MDM4: variants seen among roughly 807,000 people sequenced by gnomAD.
MDM4 encodes MDM4 regulator of p53.
MDM4 carries 2 observed loss-of-function variants against 60.2 expected under a neutral mutation model. That is an observed-to-expected ratio of 0.03 (90% CI 0.01 to 0.10). The LOEUF (loss-of-function observed/expected upper bound fraction) is 0.10, where lower values mean the gene tolerates loss of function less well. Among genes scored for constraint, MDM4 ranks in the 10% least tolerant of loss-of-function variants. The probability of loss-of-function intolerance (pLI) is 1.00; values close to 1 mark genes in which losing one functional copy is unlikely to be tolerated. For synonymous variants in MDM4, 202 were observed against 198.1 expected (o/e 1.02, Z -0.17); for missense variants, 447 against 577.5 (o/e 0.77, Z 2.32).
In MDM4 at chr1:204,551,979, TAA is replaced by T. The variant is rs35918019; in HGVS notation, c.*2316_*2317del. The T allele has an allele frequency of 0.031, 4,240 of 136,568 alleles. 3 individuals are homozygous for T. The highest frequency in any genetic ancestry group is 0.13 in the East Asian group (1,047 of 7,862). 8.5% of individuals were successfully genotyped at this position (136,568 alleles called of 1,614,324 possible). A position where few individuals can be genotyped will look rare whatever the true frequency, so the allele number is the denominator to read the frequency against. ...CTAACACTAACAATAGCTGATGAGC[TAA>T]AAAAAAAAAAAAAAAAAATCGTGGA... On this transcript the variant is annotated 3_prime_UTR_variant, in exon 11 of 11. Transcript: ENST00000367182.
chr1:204,520,869 CT>C (rs1659504569), intron 1 of MDM4, among the ~76,000 whole-genome samples: 2 of 152,010 alleles, frequency 1.3e-5, no homozygotes, highest in Admixed American at 6.6e-5. Flanking sequence ...GAACAATACC[CT>C]GTCTCAAAAA....
At chr1:204,523,934 A>G (rs551209532) in intron 1 of MDM4, among the ~76,000 whole-genome samples, 8 of 152,124 alleles carry the variant, frequency 5.3e-5, no homozygotes, top group African/African-American at 1.9e-4. Context: ...GCTAATACTG[A>G]TGGGCTATTT....
Position 204,533,195 on chromosome 1 carries a change from T to C in MDM4, c.343+949T>C, listed in dbSNP as rs550431482. On this transcript the variant is annotated intron_variant, in intron 5 of 10. Coordinates refer to ENST00000367182, the MANE Select transcript of MDM4 (RefSeq NM_002393.5). ...ATAGGAAACTGGCTGTACTGGAGTC[T>C]GGAGTCTCCAAAATGGTGGTCTGTA... 1.4e-4 allele frequency among the ~76,000 whole-genome samples: 22 copies of C among 152,342 alleles called. 1 individual carries two copies. Among genetic ancestry groups the C allele is most frequent in the Admixed American group, 1.4e-3 (21 of 15,298 alleles).
chr1:204,541,894 C>T (rs1446665244), intron 7 of MDM4, among the ~76,000 whole-genome samples: 6 of 152,032 alleles, frequency 3.9e-5, no homozygotes, highest in Non-Finnish European at 5.9e-5. Flanking sequence ...ACACGTTAAC[C>T]CCATGGTTGC....
chr1:204,532,612 C>A, intron 5 of MDM4: 1 of 636,288 alleles, frequency 1.6e-6, no homozygotes. Context: ...GTTTATGTAT[C>A]ATTTCCCCCA....
chr1:204,518,432 A>G (rs189470730), intron 1 of MDM4, among the ~76,000 whole-genome samples: 8 of 152,322 alleles, frequency 5.3e-5, no homozygotes, highest in African/African-American at 1.4e-4. Flanking sequence ...TAGAACACCT[A>G]CGTTCTGGAT....
rs1658970225 is a variant in MDM4 at position 204,516,412 on chromosome 1, C to G, written c.-133C>G. 6.6e-6 allele frequency: 1 copy of G among 152,254 alleles called. No individual in the cohort carries two copies. Among genetic ancestry groups the G allele is most frequent in the Non-Finnish European group, 1.5e-5 (1 of 68,092 alleles). The allele number at this position is 152,254 out of a possible 1,614,324, so 9.4% of individuals were successfully genotyped here. ...GGCCGGAAGTTGCGGCTTCATTACT[C>G]GCCATTTCAAAATGCTGCCGAGGCC... On this transcript the variant is annotated 5_prime_UTR_variant, in exon 1 of 11. Transcript: ENST00000367182.
chr1:204,532,951 A>T, intron 5 of MDM4: 1 of 990,882 alleles, frequency 1.0e-6, no homozygotes, highest in Non-Finnish European at 1.5e-6. Flanking sequence ...ACTTCTGTTT[A>T]ATCACATCAG....
At chr1:204,519,979 A>G (rs1444930666) in intron 1 of MDM4, among the ~76,000 whole-genome samples, 5 of 152,020 alleles carry the variant, frequency 3.3e-5, no homozygotes, top group African/African-American at 1.2e-4. Flanking sequence ...AAGAGATAAG[A>G]AAGAACTACC....
intron 8 of MDM4, 136 bp from the exon 9 acceptor site, chr1:204,544,399 A>G: frequency 4.0e-6 from 3 of 745,340 alleles, no homozygotes; most frequent in Non-Finnish European, 6.5e-6. Context: ...GAATGAATAC[A>G]TGTCCACTGA....
intron 9 of MDM4, 120 bp from the exon 10 acceptor site, chr1:204,546,677 T>C: frequency 1.5e-6 from 1 of 650,492 alleles, no homozygotes; most frequent in South Asian, 1.9e-5. Flanking sequence ...TCTCCTTAAG[T>C]GCTAGAGATG....
At position 204,534,883 on chromosome 1, in the gene MDM4, C is replaced by T. The variant is rs114678529; in HGVS notation, c.344-2547C>T. Among the ~76,000 whole-genome samples the T allele has an allele frequency of 5.7e-3, 866 of 152,148 alleles. 7 individuals are homozygous for T. The highest frequency in any genetic ancestry group is 0.02 in the African/African-American group (834 of 41,500). On this transcript the variant is annotated intron_variant, in intron 5 of 10. Transcript: ENST00000367182. ...ATAGAGTTTCTCTATACCCTTTATC[C>T]AGAGTCCCCAAATGGTAACATCTTA...
chr1:204,532,179 T>A lies in MDM4; in HGVS notation c.288-12T>A, dbSNP rs779101617. On this transcript the variant is annotated splice_polypyrimidine_tract_variant and intron_variant, in intron 4 of 10. Coordinates refer to ENST00000367182, the MANE Select transcript of MDM4 (RefSeq NM_002393.5). ...TTGGGGTTGTTAATTTTTTATCTTC[T>A]CTCTTTAACAGCCCTCTCTATGATA... The A allele has an allele frequency of 6.4e-7, 1 of 1,569,150 alleles. No homozygotes were observed. The highest frequency in any genetic ancestry group is 1.1e-5 in the South Asian group (1 of 89,440).
chr1:204,518,482 CT>C (rs1659220712), intron 1 of MDM4, among the ~76,000 whole-genome samples: 1 of 152,166 alleles, frequency 6.6e-6, no homozygotes, highest in African/African-American at 2.4e-5. Flanking sequence ...TCCCTAGTAA[CT>C]TGCAGTTAGT....
At position 204,538,297 on chromosome 1, in the gene MDM4, A is replaced by G. The variant is rs1244465537; in HGVS notation, c.500A>G (p.His167Arg). Residue 167 changes from histidine to arginine, a missense_variant, in exon 7 of 11, where the codon CAT becomes CGT. His to Arg is a conservative substitution (Grantham distance 29). Around this residue, in one of 8 missense-constraint regions of MDM4, gnomAD observed 184 missense variants for 179.3 expected, o/e 1.03. Transcript: ENST00000367182. Reference protein sequence around the residue: ...TLPTSEHKCIHSREDEDLIEN... With the variant: ...TLPTSEHKCIRSREDEDLIEN... ...CCTACCTCAGAGCATAAATGCATACATTCTAGAGAAGGTATGTTTTGGATT... is the reference window on the plus strand; with the variant it reads ...CCTACCTCAGAGCATAAATGCATACGTTCTAGAGAAGGTATGTTTTGGATT... The G allele has an allele frequency of 6.4e-7, 1 of 1,558,132 alleles. No homozygotes were observed. Among genetic ancestry groups the G allele is most frequent in the South Asian group, 1.1e-5 (1 of 89,794 alleles).
chr1:204,540,720 G>A (rs1249309061), intron 7 of MDM4, among the ~76,000 whole-genome samples: 3 of 152,150 alleles, frequency 2.0e-5, no homozygotes, highest in African/African-American at 4.8e-5. Flanking sequence ...CCGAGATCGC[G>A]CCATTGCCCT....
At chr1:204,531,656 C>T (rs888046488) in intron 4 of MDM4, among the ~76,000 whole-genome samples, 6 of 151,862 alleles carry the variant, frequency 4.0e-5, no homozygotes, top group Non-Finnish European at 8.8e-5. Context: ...ATAAGTGAAA[C>T]GCCGTCTCTA....
intron 7 of MDM4, among the ~76,000 whole-genome samples, chr1:204,541,080 G>T (rs1003023045): frequency 6.6e-6 from 1 of 152,148 alleles, no homozygotes; most frequent in African/African-American, 2.4e-5. Flanking sequence ...TATTAAATGT[G>T]TAATTTTATT....
chr1:204,548,835 A>G (rs1662922284), intron 10 of MDM4, among the ~76,000 whole-genome samples: 1 of 152,176 alleles, frequency 6.6e-6, no homozygotes, highest in East Asian at 1.9e-4. Flanking sequence ...AAACAATGTA[A>G]ATTTCACCGA....
Sources: allele counts gnomAD v4.1 joint callset (sites outside exome capture counted in the v4.1 genomes callset), GRCh38; gene constraint gnomAD v4.1.1; regional missense constraint gnomAD v4.1.1; transcripts MANE v1.5; gene names NCBI Gene and HGNC (gene_info 2026-07-23, HGNC 2026-07-21).